The following CAMTA1 variants were observed in gnomAD, a reference collection of about 807,000 sequenced individuals.
CAMTA1 encodes the protein calmodulin binding transcription activator 1, also known as calmodulin-binding transcription activator 1.
A neutral mutation model predicts 170.9 loss-of-function variants in CAMTA1; 27 were observed. The ratio of observed to expected loss-of-function variants is 0.16; its 90% CI spans 0.12 to 0.22. The LOEUF (loss-of-function observed/expected upper bound fraction) is 0.22. Ranked by LOEUF, CAMTA1 falls within the 10% of genes least tolerant of loss-of-function variation. The pLI is 1.00. For synonymous variants in CAMTA1, 833 were observed against 891.5 expected (o/e 0.93, Z 1.17); for missense variants, 1,619 against 2,217.2 (o/e 0.73, Z 5.42).
In CAMTA1 at chr1:7,249,774, T is replaced by C. The variant is rs1666348224; in HGVS notation, c.438+148T>C. ...ACCCTGGTTTTTGCTTTTGTTTCGTTTTTCTACCTTCTTACCCTATAGTCT... is the reference window on the plus strand; with the variant it reads ...ACCCTGGTTTTTGCTTTTGTTTCGTCTTTCTACCTTCTTACCCTATAGTCT... On this transcript the variant is annotated intron_variant, in intron 5 of 22. Transcript: ENST00000303635. This position sits in a 1 kb window ranked among gnomAD's most constrained non-coding sequence, Gnocchi z 4.4. The C allele has an allele frequency of 1.1e-6, 1 of 898,512 alleles. No homozygotes were observed. Among genetic ancestry groups the C allele is most frequent in the South Asian group, 1.9e-5 (1 of 52,150 alleles). The allele number at this position is 898,512 out of a possible 1,614,324, so 55.7% of individuals were successfully genotyped here.
intron 11 of CAMTA1, among the ~76,000 whole-genome samples, chr1:7,718,136 G>A (rs1047047476): frequency 6.6e-6 from 1 of 151,184 alleles, no homozygotes; most frequent in Non-Finnish European, 1.5e-5. Flanking sequence ...CTAACAACTT[G>A]AGTTGTCTTG....
In CAMTA1 at chr1:6,965,060, C is replaced by T. The variant is rs1691276915; in HGVS notation, c.235-126244C>T. On this transcript the variant is annotated intron_variant, in intron 3 of 22. Coordinates refer to ENST00000303635, the MANE Select transcript of CAMTA1 (RefSeq NM_015215.4). The surrounding 1 kb of genome is among the most constrained non-coding windows in gnomAD (Gnocchi z 4.1). ...GGGAGGGTCTTGTCTGGGAGACTTG[C>T]CTGACCCTCTCTTACTTGGGTGCAT... Among the ~76,000 whole-genome samples the T allele has an allele frequency of 1.3e-5, 2 of 152,200 alleles. No homozygotes were observed.
intron 3 of CAMTA1, among the ~76,000 whole-genome samples, chr1:7,012,720 C>T (rs1387686433): frequency 6.6e-6 from 1 of 152,184 alleles, no homozygotes; most frequent in Non-Finnish European, 1.5e-5. Flanking sequence ...ACCACTGGGG[C>T]TGCCCTTTCT....
intron 3 of CAMTA1, among the ~76,000 whole-genome samples, chr1:6,902,057 ACACACACACACAC>A (rs1677070684): frequency 9.6e-6 from 1 of 104,324 alleles, no homozygotes; most frequent in Non-Finnish European, 2.1e-5. Flanking sequence ...ACACACACAC[ACACACACACACAC>A]ACAAAAAAAA....
At chr1:7,449,346 A>G (rs1463378697) in intron 5 of CAMTA1, among the ~76,000 whole-genome samples, 1 of 152,200 alleles carries the variant, frequency 6.6e-6, no homozygotes, top group African/African-American at 2.4e-5. Context: ...AGTCAGAAGC[A>G]GTCTAAGACC....
At chr1:7,281,389 A>G (rs974644315) in intron 5 of CAMTA1, among the ~76,000 whole-genome samples, 4 of 152,234 alleles carry the variant, frequency 2.6e-5, no homozygotes, top group Non-Finnish European at 5.9e-5. Context: ...TGTAGAAACA[A>G]GAGTAAAACC....
chr1:7,217,102 A>G (rs1466496997), intron 4 of CAMTA1, among the ~76,000 whole-genome samples: 1 of 152,074 alleles, frequency 6.6e-6, no homozygotes, highest in Non-Finnish European at 1.5e-5. Context: ...AACAATCCCC[A>G]TGTGTCAAGG....
chr1:7,325,153 C>A lies in CAMTA1; in HGVS notation c.438+75527C>A, dbSNP rs1348416461. The stretch of plus-strand genomic sequence containing the variant: ...CACTGTTCTAGGAACATAGGAAACA[C>A]AAGGAACAGAGAAGGCACAGGTCCC... On this transcript the variant is annotated intron_variant, in intron 5 of 22. Coordinates refer to ENST00000303635, the MANE Select transcript of CAMTA1 (RefSeq NM_015215.4). This position sits in a 1 kb window ranked among gnomAD's most constrained non-coding sequence, Gnocchi z 5.0. Among the ~76,000 whole-genome samples, 1 of 152,166 alleles carries A rather than the reference C, an allele frequency of 6.6e-6. No homozygotes were observed. The highest frequency in any genetic ancestry group is 6.5e-5 in the Admixed American group (1 of 15,272).
At chr1:7,575,907 C>T (rs2095185795) in intron 6 of CAMTA1, among the ~76,000 whole-genome samples, 1 of 152,174 alleles carries the variant, frequency 6.6e-6, no homozygotes, top group Non-Finnish European at 1.5e-5. Context: ...TCCTGCTTCC[C>T]TGGAGACGTC....
chr1:7,403,528 A>G (rs1051472776), intron 5 of CAMTA1, among the ~76,000 whole-genome samples: 1 of 152,160 alleles, frequency 6.6e-6, no homozygotes, highest in Non-Finnish European at 1.5e-5. Flanking sequence ...CTAGGCTTTC[A>G]AGAATGAGTA....
At chr1:6,973,552 G>T (rs537225041) in intron 3 of CAMTA1, among the ~76,000 whole-genome samples, 2 of 152,194 alleles carry the variant, frequency 1.3e-5, no homozygotes, top group Non-Finnish European at 2.9e-5. Flanking sequence ...TGGTTTCCAC[G>T]TTTGGGCTTT....
chr1:6,912,291 T>G (rs566341434), intron 3 of CAMTA1, among the ~76,000 whole-genome samples: 17 of 152,352 alleles, frequency 1.1e-4, no homozygotes, highest in African/African-American at 4.1e-4. Flanking sequence ...ACTGGCTGCT[T>G]CAGGATGCTT....
intron 3 of CAMTA1, chr1:6,874,148 G>C (rs892793295): frequency 6.6e-6 from 1 of 152,260 alleles, no homozygotes; most frequent in Non-Finnish European, 1.5e-5. Flanking sequence ...CTGTATGACA[G>C]ACACACTGGG....
intron 4 of CAMTA1, among the ~76,000 whole-genome samples, chr1:7,214,559 G>C (rs143706010): frequency 2.0e-5 from 3 of 152,010 alleles, no homozygotes; most frequent in Non-Finnish European, 4.4e-5. Flanking sequence ...GTAGAGACAG[G>C]GTTTCACCAC....
chr1:7,661,778 G>T lies in CAMTA1; in HGVS notation c.717G>T (p.Ser239=), dbSNP rs961336296. The T allele has an allele frequency of 6.2e-7, 1 of 1,613,804 alleles. No individual in the cohort carries two copies. Among genetic ancestry groups the T allele is most frequent in the African/African-American group, 1.3e-5 (1 of 74,912 alleles). ...ATGGGAACAGCAGCTCAGGCTTCTC[G>T]GTGGAACAGCTGGTGCAGCAGATCC... ...CSNGNSSSGF[S]VEQLVQQILD... Residue 239 remains serine (S), a synonymous_variant, in exon 8 of 23, where the codon TCG becomes TCT. Transcript: ENST00000303635.
intron 5 of CAMTA1, among the ~76,000 whole-genome samples, chr1:7,355,337 A>G (rs968693483): frequency 6.6e-5 from 10 of 152,296 alleles, no homozygotes; most frequent in East Asian, 3.9e-4. Flanking sequence ...GTGAGTTGTA[A>G]TGGTGCCACT....
intron 5 of CAMTA1, among the ~76,000 whole-genome samples, chr1:7,405,160 G>A (rs566294030): frequency 5.3e-5 from 8 of 151,870 alleles, no homozygotes; most frequent in Non-Finnish European, 1.2e-4. Flanking sequence ...AGTAGGATGC[G>A]TCCTCCATGG....
At chr1:7,002,826 G>A (rs1698429850) in intron 3 of CAMTA1, among the ~76,000 whole-genome samples, 1 of 152,196 alleles carries the variant, frequency 6.6e-6, no homozygotes, top group Non-Finnish European at 1.5e-5. Flanking sequence ...GAGGGAACGT[G>A]CCGGTTTGCC....
At position 7,641,522 on chromosome 1, in the gene CAMTA1, A is replaced by C. The variant is rs2095760980; in HGVS notation, c.664+969A>C. Among the ~76,000 whole-genome samples, 1 of 152,164 alleles carries C rather than the reference A, an allele frequency of 6.6e-6. No homozygotes were observed. Among genetic ancestry groups the C allele is most frequent in the African/African-American group, 2.4e-5 (1 of 41,440 alleles). ...GAAGGTCCTGTGCCTGGGAGGGCCCAGGCTGAGGCTACGGGCACCTGCGGT... is the reference window on the plus strand; with the variant it reads ...GAAGGTCCTGTGCCTGGGAGGGCCCCGGCTGAGGCTACGGGCACCTGCGGT... On this transcript the variant is annotated intron_variant, in intron 7 of 22. Transcript: ENST00000303635. The surrounding 1 kb of genome is among the most constrained non-coding windows in gnomAD (Gnocchi z 4.5).
Sources: gnomAD v4.1 joint callset for allele counts (sites outside exome capture counted in the v4.1 genomes callset) on GRCh38, gnomAD v4.1.1 for gene constraint, Gnocchi (gnomAD v3.1) non-coding constraint, MANE v1.5 for transcripts, NCBI Gene and HGNC (gene_info 2026-07-23, HGNC 2026-07-21) for gene names.